The following BNC2 variants were observed in gnomAD, a reference collection of about 807,000 sequenced individuals.
The protein encoded by BNC2 is basonuclin zinc finger protein 2, also known as zinc finger protein basonuclin-2.
Under a neutral mutation model 76.3 loss-of-function variants are expected in BNC2, and 20 were observed. That is an observed-to-expected ratio of 0.26 (90% CI 0.18 to 0.38). The LOEUF is 0.38. Among genes scored for constraint, BNC2 ranks in the 10% least tolerant of loss-of-function variants. The probability of loss-of-function intolerance (pLI) is 1.00; values close to 1 mark genes in which losing one functional copy is unlikely to be tolerated. For synonymous variants in BNC2, 582 were observed against 514.8 expected (o/e 1.13, Z -1.77); for missense variants, 1,382 against 1,399.8 (o/e 0.99, Z 0.20).
intron 1 of BNC2, among the ~76,000 whole-genome samples, chr9:16,827,434 G>A (rs940112048): frequency 1.3e-5 from 2 of 152,204 alleles, no homozygotes; most frequent in Non-Finnish European, 2.9e-5. Context: ...GGAGGAAAGA[G>A]GTATTGTACT....
intron 1 of BNC2, among the ~76,000 whole-genome samples, chr9:16,856,359 G>T (rs951892761): frequency 1.3e-5 from 2 of 152,048 alleles, no homozygotes; most frequent in South Asian, 4.1e-4. Flanking sequence ...TCATGTCAGC[G>T]ACTGGTTGCT....
chr9:16,811,323 G>A (rs1818046543), intron 1 of BNC2, among the ~76,000 whole-genome samples: 1 of 151,162 alleles, frequency 6.6e-6, no homozygotes, highest in African/African-American at 2.4e-5. Context: ...GGCCAACGCG[G>A]GTGGATCATG....
chr9:16,535,325 T>C (rs973947587), intron 5 of BNC2, among the ~76,000 whole-genome samples: 1 of 152,228 alleles, frequency 6.6e-6, no homozygotes, highest in African/African-American at 2.4e-5. Context: ...ATCTCTTTCA[T>C]ATTAATACTT....
At chr9:16,820,644 T>A (rs1818302445) in intron 1 of BNC2, among the ~76,000 whole-genome samples, 1 of 152,144 alleles carries the variant, frequency 6.6e-6, no homozygotes, top group Admixed American at 6.5e-5. Flanking sequence ...TTTTATTCCA[T>A]ACTGATGATA....
At position 16,658,096 on chromosome 9, in the gene BNC2, C is replaced by G. The variant is rs533393520; in HGVS notation, c.330+69701G>C. On this transcript the variant is annotated intron_variant, in intron 3 of 6. Transcript: ENST00000380672. The stretch of plus-strand genomic sequence containing the variant: ...AGAGGTAGAAGGAGATCCTAATTTA[C>G]TAATTTGCAAGGGAATGGGGACATC... Among the ~76,000 whole-genome samples the G allele has an allele frequency of 2.6e-4, 40 of 152,274 alleles. 2 individuals carry two copies. The South Asian group carries it at 6.6e-3, about 25-fold the overall frequency.
At chr9:16,646,958 G>A (rs992144362) in intron 3 of BNC2, among the ~76,000 whole-genome samples, 4 of 152,164 alleles carry the variant, frequency 2.6e-5, no homozygotes, top group African/African-American at 9.7e-5. Flanking sequence ...TGTTTCATTT[G>A]TCAGTTTAGT....
chr9:16,643,036 G>A (rs1005739761), intron 3 of BNC2, among the ~76,000 whole-genome samples: 3 of 152,142 alleles, frequency 2.0e-5, no homozygotes, highest in Admixed American at 6.5e-5. Context: ...CCAACAGTAA[G>A]TGCTCCCTAA....
intron 5 of BNC2, among the ~76,000 whole-genome samples, chr9:16,526,235 T>C (rs537923743): frequency 6.6e-6 from 1 of 152,168 alleles, no homozygotes; most frequent in South Asian, 2.1e-4. Flanking sequence ...TATGCGTACA[T>C]CTGTGTGGCA....
At chr9:16,518,443 A>G (rs1055730123) in intron 5 of BNC2, among the ~76,000 whole-genome samples, 3 of 152,084 alleles carry the variant, frequency 2.0e-5, no homozygotes, top group Non-Finnish European at 4.4e-5. Context: ...TAATAATAAT[A>G]AAATAAAAAT....
intron 1 of BNC2, among the ~76,000 whole-genome samples, chr9:16,866,117 A>C (rs897481110): frequency 6.6e-6 from 1 of 152,194 alleles, no homozygotes; most frequent in Non-Finnish European, 1.5e-5. Flanking sequence ...TATAAATATT[A>C]AAGTGCAATT....
intron 3 of BNC2, among the ~76,000 whole-genome samples, chr9:16,697,552 T>C (rs1193362010): frequency 6.6e-6 from 1 of 151,768 alleles, no homozygotes; most frequent in Non-Finnish European, 1.5e-5. Context: ...CAAAACCCCA[T>C]CTCTACTAAA....
At chr9:16,622,724 G>A (rs1157899380) in intron 3 of BNC2, among the ~76,000 whole-genome samples, 6 of 152,118 alleles carry the variant, frequency 3.9e-5, no homozygotes, top group Admixed American at 2.6e-4. Flanking sequence ...TCTTAGGTGG[G>A]TGGCCAGGCC....
chr9:16,760,003 G>C (rs1034108158), intron 1 of BNC2, among the ~76,000 whole-genome samples: 7 of 152,280 alleles, frequency 4.6e-5, no homozygotes, highest in African/African-American at 1.7e-4. Flanking sequence ...GATTACAGGC[G>C]TGAGCCACCG....
intron 3 of BNC2, among the ~76,000 whole-genome samples, chr9:16,663,093 A>C (rs1822157497): frequency 6.7e-6 from 1 of 149,126 alleles, no homozygotes; most frequent in African/African-American, 2.5e-5. Context: ...TCGCTCGCTC[A>C]ATTCCAGTGA....
At chr9:16,636,175 T>C (rs2133799595) in intron 3 of BNC2, among the ~76,000 whole-genome samples, 1 of 152,268 alleles carries the variant, frequency 6.6e-6, no homozygotes, top group East Asian at 1.9e-4. Flanking sequence ...GAAATTACAT[T>C]CGCATGTTGG....
At chr9:16,528,092 T>TG (rs1345856446) in intron 5 of BNC2, among the ~76,000 whole-genome samples, 1 of 152,128 alleles carries the variant, frequency 6.6e-6, no homozygotes, top group Non-Finnish European at 1.5e-5. Context: ...TGAAGAGCTG[T>TG]GGGGTTAGAA....
At chr9:16,652,048 T>C (rs2133956920) in intron 3 of BNC2, among the ~76,000 whole-genome samples, 1 of 152,322 alleles carries the variant, frequency 6.6e-6, no homozygotes, top group Middle Eastern at 3.4e-3. Context: ...AATATCCTTT[T>C]GTAAAGACAT....
intron 5 of BNC2, among the ~76,000 whole-genome samples, chr9:16,470,762 GAA>G (rs1364788565): frequency 6.6e-6 from 1 of 152,212 alleles, no homozygotes; most frequent in Non-Finnish European, 1.5e-5. Context: ...CTAGATTTCA[GAA>G]GATGTATGGA....
chr9:16,597,461 GAA>G (rs1461359431), intron 3 of BNC2, among the ~76,000 whole-genome samples: 1 of 152,000 alleles, frequency 6.6e-6, no homozygotes, highest in African/African-American at 2.4e-5. Flanking sequence ...AACCCTGCAG[GAA>G]TTTGCTCTGC....
Sources: gnomAD v4.1 joint callset for allele counts (sites outside exome capture counted in the v4.1 genomes callset) on GRCh38, gnomAD v4.1.1 for gene constraint, MANE v1.5 for transcripts, NCBI Gene and HGNC (gene_info 2026-07-23, HGNC 2026-07-21) for gene names.